Variants in CUL3 observed in about 807,000 individuals in gnomAD.
CUL3 encodes the protein cullin 3, also known as cullin-3.
Under a neutral mutation model 89.1 loss-of-function variants are expected in CUL3, and 19 were observed. The observed-to-expected ratio is 0.21, with a 90% confidence interval of 0.15 to 0.31. The LOEUF (loss-of-function observed/expected upper bound fraction) is 0.31, where lower values mean the gene tolerates loss of function less well. CUL3 is among the 10% of genes least tolerant of loss of function. The pLI, the probability that CUL3 is intolerant of heterozygous loss-of-function variation, is 1.00. For synonymous variants in CUL3, 351 were observed against 308.4 expected (o/e 1.14, Z -1.45); for missense variants, 469 against 942.3 (o/e 0.50, Z 6.58).
intron 8 of CUL3, chr2:224,504,172 T>C (rs538170727): frequency 1.2e-5 from 2 of 171,474 alleles, no homozygotes; most frequent in East Asian, 3.2e-4. Context: ...CCTTTGCATA[T>C]GCAGGCAAAA....
intron 14 of CUL3, 46 bp downstream of exon 14, chr2:224,481,846 A>C (rs762108486): frequency 7.6e-7 from 1 of 1,311,092 alleles, no homozygotes; most frequent in South Asian, 1.9e-5. Context: ...TTTTCTAAAG[A>C]GAAAAATATA....
intron 2 of CUL3, chr2:224,556,266 CT>C (rs1694706505): frequency 6.6e-6 from 1 of 152,168 alleles, no homozygotes; most frequent in African/African-American, 2.4e-5. Flanking sequence ...GAACAGATTA[CT>C]TATGAATTAC....
chr2:224,503,405 C>T (rs748339163), intron 9 of CUL3, among the ~76,000 whole-genome samples: 22 of 152,176 alleles, frequency 1.4e-4, no homozygotes, highest in Non-Finnish European at 2.8e-4. Flanking sequence ...TTCCCTTTTA[C>T]TAATCCTCCC....
chr2:224,520,655 G>T (rs1353042992), intron 3 of CUL3, among the ~76,000 whole-genome samples: 1 of 152,140 alleles, frequency 6.6e-6, no homozygotes, highest in Non-Finnish European at 1.5e-5. Flanking sequence ...TAAGCCACAA[G>T]AAAAGGAAAG....
intron 1 of CUL3, among the ~76,000 whole-genome samples, chr2:224,564,593 T>C (rs1295060026): frequency 6.6e-6 from 1 of 152,232 alleles, no homozygotes; most frequent in African/African-American, 2.4e-5. Flanking sequence ...GAAAAAACAG[T>C]ACATATAGGG....
intron 3 of CUL3, among the ~76,000 whole-genome samples, chr2:224,531,519 G>C (rs1693696675): frequency 6.6e-6 from 1 of 150,828 alleles, no homozygotes; most frequent in African/African-American, 2.4e-5. Context: ...AGCTGTGGTA[G>C]GTATTAAAGA....
At chr2:224,528,994 T>C (rs925056092) in intron 3 of CUL3, among the ~76,000 whole-genome samples, 3 of 152,214 alleles carry the variant, frequency 2.0e-5, no homozygotes, top group Non-Finnish European at 4.4e-5. Flanking sequence ...TCTATTAGCC[T>C]TCTTAACAGA....
intron 2 of CUL3, among the ~76,000 whole-genome samples, chr2:224,548,201 G>A (rs189827107): frequency 6.6e-6 from 1 of 152,316 alleles, no homozygotes; most frequent in Admixed American, 6.5e-5. Context: ...TGACTACAAA[G>A]CGTAGATCCA....
In CUL3 at chr2:224,536,654, A is replaced by G. The variant is rs775113157; in HGVS notation, c.265-1013T>C. Among the ~76,000 whole-genome samples the G allele has an allele frequency of 3.3e-5, 5 of 152,314 alleles. No individual in the cohort carries two copies. In the South Asian group the frequency reaches 6.2e-4, roughly 19 times the overall value. On this transcript the variant is annotated intron_variant, in intron 2 of 15. Transcript: ENST00000264414. ...TTCAGGATTACCTGCTTTTGCACAT[A>G]AAGTTCCCTTGAGCCTGAAATGTCT...
Position 224,485,885 on chromosome 2 carries a change from C to T in CUL3, c.1843-3807G>A, listed in dbSNP as rs1691702189. ...CTCCGGCTGGCATCTGGCAGGTGCC[C>T]CTCTGGGACAAAGCTTCCAGAGGAA... On this transcript the variant is annotated intron_variant, in intron 13 of 15. Transcript: ENST00000264414. The surrounding 1 kb of genome is among the most constrained non-coding windows in gnomAD (Gnocchi z 4.1). Among the ~76,000 whole-genome samples, 1 of 152,188 alleles carries T rather than the reference C, an allele frequency of 6.6e-6. No homozygotes were observed. The highest frequency in any genetic ancestry group is 2.4e-5 in the African/African-American group (1 of 41,454).
At chr2:224,516,317 G>C (rs1364981186) in intron 3 of CUL3, among the ~76,000 whole-genome samples, 1 of 136,884 alleles carries the variant, frequency 7.3e-6, no homozygotes, top group South Asian at 2.4e-4. Flanking sequence ...TTTTTTGTTT[G>C]CTTTTTTTTT....
chr2:224,515,511 T>C (rs1366202683), intron 3 of CUL3, among the ~76,000 whole-genome samples: 1 of 152,218 alleles, frequency 6.6e-6, no homozygotes, highest in African/African-American at 2.4e-5. Flanking sequence ...GGTGGGTCTG[T>C]GAGCCTTCTA....
rs535546272 is a variant in CUL3, at chr2:224,543,250, GACA to G, written c.265-7612_265-7610del. Among the ~76,000 whole-genome samples the G allele has an allele frequency of 2.1e-3, 322 of 152,136 alleles. 1 individual carries two copies. The highest frequency in any genetic ancestry group is 4.8e-3 in the African/African-American group (200 of 41,472). ...TTGGTAAACAAGTCTCCAAATTCAG[GACA>G]ACATTAGGTCCAAATATAGACAAAT... On this transcript the variant is annotated intron_variant, in intron 2 of 15. Coordinates refer to ENST00000264414, the MANE Select transcript of CUL3 (RefSeq NM_003590.5).
At chr2:224,501,782 G>GGACA (rs1692399757) in intron 10 of CUL3, among the ~76,000 whole-genome samples, 2 of 152,018 alleles carry the variant, frequency 1.3e-5, no homozygotes, top group Non-Finnish European at 2.9e-5. Context: ...GTCACAAAGT[G>GGACA]GACAGTCCAT....
chr2:224,512,142 C>A (rs1170662572), intron 5 of CUL3, among the ~76,000 whole-genome samples: 1 of 151,432 alleles, frequency 6.6e-6, no homozygotes. Context: ...GTCACCCAGG[C>A]TAGAGTGCAG....
chr2:224,505,342 G>C, intron 8 of CUL3, among the ~76,000 whole-genome samples: 1 of 152,000 alleles, frequency 6.6e-6, no homozygotes, highest in South Asian at 2.1e-4. Flanking sequence ...TCACCAAGTT[G>C]GTCAGGCTGG....
chr2:224,563,315 T>A (rs1369722268), intron 1 of CUL3: 2 of 469,222 alleles, frequency 4.3e-6, no homozygotes, highest in Non-Finnish European at 8.8e-6. Context: ...CTTGTCACTC[T>A]CTACTGGGTC....
intron 3 of CUL3, among the ~76,000 whole-genome samples, chr2:224,519,286 A>AT (rs1693176966): frequency 6.6e-6 from 1 of 152,232 alleles, no homozygotes; most frequent in Non-Finnish European, 1.5e-5. Flanking sequence ...CATGGGTTCC[A>AT]TCCCCACAAT....
intron 10 of CUL3, among the ~76,000 whole-genome samples, chr2:224,501,140 G>T (rs1329095232): frequency 6.6e-6 from 1 of 152,144 alleles, no homozygotes; most frequent in Non-Finnish European, 1.5e-5. Context: ...TATCATTTTA[G>T]AGAAAATTCT....
Sources: gnomAD v4.1 joint callset for allele counts (sites outside exome capture counted in the v4.1 genomes callset) on GRCh38, gnomAD v4.1.1 for gene constraint, Gnocchi (gnomAD v3.1) non-coding constraint, MANE v1.5 for transcripts, NCBI Gene and HGNC (gene_info 2026-07-23, HGNC 2026-07-21) for gene names.